The following ROR1 variants were observed in gnomAD, a reference collection of about 807,000 sequenced individuals.
ROR1 encodes ROR family WNT receptor 1.
In ROR1, 19 loss-of-function variants were observed where a neutral mutation model predicts 78.8. The ratio of observed to expected loss-of-function variants is 0.24; its 90% CI spans 0.17 to 0.35. The LOEUF is 0.35. Among genes scored for constraint, ROR1 ranks in the 10% least tolerant of loss-of-function variants. ROR1 has a pLI of 1.00. For synonymous variants in ROR1, 386 were observed against 433.6 expected (o/e 0.89, Z 1.36); for missense variants, 917 against 1,177.8 (o/e 0.78, Z 3.24).
At chr1:63,779,830 C>A (rs965251790) in intron 1 of ROR1, among the ~76,000 whole-genome samples, 1 of 152,044 alleles carries the variant, frequency 6.6e-6, no homozygotes, top group Non-Finnish European at 1.5e-5. Flanking sequence ...GCCACACCCC[C>A]CAGAACACCC....
At position 63,774,321 on chromosome 1, in the gene ROR1, C is replaced by T; in HGVS notation, c.-97C>T. ...GTCCCCGGCGTCCTGCGAGCGCCAG[C>T]GGCCGGGACGAGGCGGCCGGGAGCC... On this transcript the variant is annotated 5_prime_UTR_variant, in exon 1 of 9. Transcript: ENST00000371079. The surrounding 1 kb of genome is among the most constrained non-coding windows in gnomAD (Gnocchi z 5.7). The T allele has an allele frequency of 2.8e-6, 2 of 718,400 alleles. No individual in the cohort carries two copies. Among genetic ancestry groups the T allele is most frequent in the South Asian group, 2.0e-5 (1 of 49,410 alleles). The allele number at this position is 718,400 out of a possible 1,614,324, so 44.5% of individuals were successfully genotyped here. A position where few individuals can be genotyped will look rare whatever the true frequency, so the allele number is the denominator to read the frequency against.
At position 64,159,980 on chromosome 1, in the gene ROR1, A is replaced by G. The variant is rs554775049; in HGVS notation, c.1386+788A>G. Reference sequence around the variant, plus strand: ...ATACAACAGAGTCTTTCTTTCAGGAAAGCCAGCACCACAATCCCAGGCCTC... The same window carrying G: ...ATACAACAGAGTCTTTCTTTCAGGAGAGCCAGCACCACAATCCCAGGCCTC... On this transcript the variant is annotated intron_variant, in intron 8 of 8. Coordinates refer to ENST00000371079, the MANE Select transcript of ROR1 (RefSeq NM_005012.4). Among the ~76,000 whole-genome samples, 17 of 152,302 alleles carry G rather than the reference A, an allele frequency of 1.1e-4. 1 individual carries two copies. In the South Asian group the frequency reaches 2.7e-3, roughly 24 times the overall value.
rs756059594 is a variant in ROR1 at position 63,853,426 on chromosome 1, C to T, written c.91+78918C>T. Among the ~76,000 whole-genome samples, 29 of 152,130 alleles carry T rather than the reference C, an allele frequency of 1.9e-4. 1 individual carries two copies. The East Asian group carries it at 2.7e-3, about 14-fold the overall frequency. ...ACCCAAAATGCACCAAAATCTGAAA[C>T]GTTTTGCATGCCAACATGATGCTCA... On this transcript the variant is annotated intron_variant, in intron 1 of 8. Transcript: ENST00000371079.
intron 1 of ROR1, among the ~76,000 whole-genome samples, chr1:63,954,626 G>A (rs1394992978): frequency 6.6e-6 from 1 of 152,022 alleles, no homozygotes; most frequent in Non-Finnish European, 1.5e-5. Flanking sequence ...CAAAATTATT[G>A]GAAAAAACAT....
intron 1 of ROR1, among the ~76,000 whole-genome samples, chr1:63,854,298 G>C (rs114688006): frequency 6.5e-4 from 99 of 152,222 alleles, no homozygotes; most frequent in African/African-American, 2.3e-3. Context: ...CACCACTTAC[G>C]TGTGGCTGAT....
intron 1 of ROR1, among the ~76,000 whole-genome samples, chr1:63,926,722 C>T (rs1645707936): frequency 9.4e-6 from 1 of 106,550 alleles, no homozygotes; most frequent in Admixed American, 1.1e-4. Context: ...AGAGGTCCTT[C>T]ACATCCCTTG....
chr1:63,817,744 G>A (rs960869737), intron 1 of ROR1, among the ~76,000 whole-genome samples: 2 of 152,166 alleles, frequency 1.3e-5, no homozygotes, highest in African/African-American at 4.8e-5. Flanking sequence ...GCAGAATTCC[G>A]ATTTCTTGTC....
chr1:64,050,985 A>C (rs930183711), intron 4 of ROR1, among the ~76,000 whole-genome samples: 1 of 152,244 alleles, frequency 6.6e-6, no homozygotes, highest in African/African-American at 2.4e-5. Context: ...TCTAACATTT[A>C]GTGGCAACAA....
rs149619317 is a variant in ROR1, at chr1:64,007,199, T to G, written c.92-2106T>G. Among the ~76,000 whole-genome samples, 1,404 of 152,316 alleles carry G rather than the reference T, an allele frequency of 9.2e-3. 13 individuals carry two copies. Among genetic ancestry groups the G allele is most frequent in the Non-Finnish European group, 0.016 (1,083 of 68,028 alleles). ...AATTTTTAGTGGCTACCTAGAGCAC[T>G]GTGCTTAAAGGACTCTACGACAGAT... is the stretch of plus-strand genomic sequence containing the variant. On this transcript the variant is annotated intron_variant, in intron 1 of 8. Coordinates refer to ENST00000371079, the MANE Select transcript of ROR1 (RefSeq NM_005012.4).
At chr1:63,780,043 G>C (rs1644641614) in intron 1 of ROR1, among the ~76,000 whole-genome samples, 1 of 152,164 alleles carries the variant, frequency 6.6e-6, no homozygotes, top group Non-Finnish European at 1.5e-5. Flanking sequence ...AACAGTAACT[G>C]TCTGTCCATA....
chr1:63,878,160 G>A (rs1489672694), intron 1 of ROR1, among the ~76,000 whole-genome samples: 1 of 152,180 alleles, frequency 6.6e-6, no homozygotes, highest in East Asian at 1.9e-4. Flanking sequence ...CTCCAGAAGG[G>A]CCTTGGTGTC....
intron 1 of ROR1, among the ~76,000 whole-genome samples, chr1:63,877,270 G>A (rs1255654632): frequency 6.6e-6 from 1 of 152,116 alleles, no homozygotes; most frequent in Non-Finnish European, 1.5e-5. Flanking sequence ...AGGCCATAGT[G>A]GTTAAAAAGT....
At chr1:64,076,427 C>G (rs1360107641) in intron 4 of ROR1, among the ~76,000 whole-genome samples, 1 of 152,124 alleles carries the variant, frequency 6.6e-6, no homozygotes, top group African/African-American at 2.4e-5. Context: ...TGAGGAAATC[C>G]TAAAATTGTG....
chr1:64,153,762 G>A (rs1376505809), intron 7 of ROR1, among the ~76,000 whole-genome samples: 3 of 152,090 alleles, frequency 2.0e-5, no homozygotes, highest in African/African-American at 7.2e-5. Context: ...GGGAAATGGG[G>A]AGTTATTCAA....
chr1:63,775,698 C>T (rs940768726), intron 1 of ROR1, among the ~76,000 whole-genome samples: 5 of 152,206 alleles, frequency 3.3e-5, no homozygotes, highest in African/African-American at 1.2e-4. Flanking sequence ...TAAAAGTTAG[C>T]TGACTTTCTT....
rs78255815 is a variant in ROR1, at chr1:63,817,071, G to A, written c.91+42563G>A. ...ATTACCCTTCTCTGTATATTTAAGA[G>A]GAAAGCTTTAATGTTATAGGATGCC... On this transcript the variant is annotated intron_variant, in intron 1 of 8. Coordinates refer to ENST00000371079, the MANE Select transcript of ROR1 (RefSeq NM_005012.4). Among the ~76,000 whole-genome samples, 271 of 152,312 alleles carry A rather than the reference G, an allele frequency of 1.8e-3. 1 individual carries two copies. Among genetic ancestry groups the A allele is most frequent in the African/African-American group, 6.3e-3 (263 of 41,566 alleles).
chr1:63,967,759 C>T (rs1407283513), intron 1 of ROR1, among the ~76,000 whole-genome samples: 1 of 152,172 alleles, frequency 6.6e-6, no homozygotes, highest in Non-Finnish European at 1.5e-5. Context: ...CCCCAGCTTC[C>T]TCAATCATAG....
intron 8 of ROR1, among the ~76,000 whole-genome samples, chr1:64,175,018 A>T (rs12025993): frequency 0.024 from 3,552 of 147,980 alleles, 59 homozygotes; most frequent in South Asian, 0.063. Flanking sequence ...TTTTTTTTTT[A>T]AAAAAATAGT....
intron 1 of ROR1, among the ~76,000 whole-genome samples, chr1:63,886,898 G>T (rs1288915054): frequency 6.6e-6 from 1 of 152,152 alleles, no homozygotes; most frequent in East Asian, 1.9e-4. Context: ...TGAAGTTTGA[G>T]CAACTTTTGA....
Sources: gnomAD v4.1 joint callset for allele counts (sites outside exome capture counted in the v4.1 genomes callset) on GRCh38, gnomAD v4.1.1 for gene constraint, Gnocchi (gnomAD v3.1) non-coding constraint, MANE v1.5 for transcripts, NCBI Gene and HGNC (gene_info 2026-07-23, HGNC 2026-07-21) for gene names.